The following MYCL variants were observed in gnomAD, a reference collection of about 807,000 sequenced individuals.
MYCL encodes the protein protein L-Myc.
MYCL carries 11 observed loss-of-function variants against 31.0 expected under a neutral mutation model. That is an observed-to-expected ratio of 0.35 (90% CI 0.22 to 0.59). The LOEUF is 0.59. MYCL is among the 20% of genes least tolerant of loss of function. The pLI, the probability that MYCL is intolerant of heterozygous loss-of-function variation, is 0.79. For missense variants in MYCL, 427 were observed against 486.1 expected, an observed-to-expected ratio of 0.88 and a Z score of 1.14; for synonymous variants, 208 against 202.4, an observed-to-expected ratio of 1.03 and a Z score of -0.23.
In MYCL at chr1:39,901,411, G is replaced by A; in HGVS notation, c.24C>T (p.His8=). 6.2e-7 allele frequency: 1 copy of A among 1,612,996 alleles called. No individual in the cohort carries two copies. The highest frequency in any genetic ancestry group is 8.5e-7 in the Non-Finnish European group (1 of 1,179,818). MDYDSYQ[H]YFYDYDCGED... ...CCCCGCAGTCATAGTCGTAGAAATA[G>A]TGCTGGTACGAGTCGTAGTCCATGT... Residue 8 remains histidine, a synonymous_variant, in exon 1 of 2, where the codon CAC becomes CAT. Transcript: ENST00000372816. This position sits in a 1 kb window ranked among gnomAD's most constrained non-coding sequence, Gnocchi z 6.9.
In MYCL at chr1:39,896,059, C is replaced by T; in HGVS notation, c.*1313G>A. Reference sequence around the variant, plus strand: ...ACATGACAACTGCTAGGTTGGGTGACTTTCCCAGACTAGAAGCTGCACGTG... The same window carrying T: ...ACATGACAACTGCTAGGTTGGGTGATTTTCCCAGACTAGAAGCTGCACGTG... On this transcript the variant is annotated 3_prime_UTR_variant, in exon 2 of 2. Coordinates refer to ENST00000372816, the MANE Select transcript of MYCL (RefSeq NM_001033081.3). 4.7e-6 allele frequency: 1 copy of T among 210,956 alleles called. No homozygotes were observed. The highest frequency in any genetic ancestry group is 5.9e-5 in the Admixed American group (1 of 16,970). 13.1% of individuals were successfully genotyped at this position (210,956 alleles called of 1,614,324 possible).
chr1:39,898,682 AT>A (rs1644506340), intron 1 of MYCL: 3 of 985,304 alleles, frequency 3.0e-6, no homozygotes, highest in Non-Finnish European at 3.6e-6. Flanking sequence ...TAGATTTGTA[AT>A]CATAGGTCGG....
intron 1 of MYCL, chr1:39,899,519 G>T (rs1644514477): frequency 2.9e-6 from 2 of 693,164 alleles, no homozygotes; most frequent in South Asian, 1.3e-4. Flanking sequence ...GATCAGCGAA[G>T]TCCACATATC....
chr1:39,901,123 C>A lies in MYCL; in HGVS notation c.312G>T (p.Arg104=). 1 of 1,604,622 alleles carries A rather than the reference C, an allele frequency of 6.2e-7. No individual in the cohort carries two copies. Among genetic ancestry groups the A allele is most frequent in the Non-Finnish European group, 8.5e-7 (1 of 1,176,144 alleles). ...CMWSGFSARE[R]LERAVSDRLA... Reference sequence around the variant, plus strand: ...GCCGGTCGCTCACAGCTCTCTCCAGCCGTTCCCGGGCCGAGAAGCCGCTCC... The same window carrying A: ...GCCGGTCGCTCACAGCTCTCTCCAGACGTTCCCGGGCCGAGAAGCCGCTCC... The change falls in exon 1 of 2, where the codon CGG becomes CGT. Residue 104 remains arginine, a synonymous_variant. Transcript: ENST00000372816. This position sits in a 1 kb window ranked among gnomAD's most constrained non-coding sequence, Gnocchi z 6.9.
intron 1 of MYCL, among the ~76,000 whole-genome samples, chr1:39,898,382 G>A (rs775652933): frequency 2.0e-5 from 3 of 152,210 alleles, no homozygotes; most frequent in African/African-American, 4.8e-5. Flanking sequence ...AATTGTAAAT[G>A]AGGGGTCTGT....
chr1:39,900,281 T>C (rs766197984), intron 1 of MYCL: 46 of 985,466 alleles, frequency 4.7e-5, no homozygotes, highest in Middle Eastern at 1.0e-3. Context: ...GGATGGAGCA[T>C]TGGGGAAGAG....
chr1:39,898,793 A>C (rs1490024261), intron 1 of MYCL: 1 of 985,372 alleles, frequency 1.0e-6, no homozygotes, highest in Admixed American at 6.1e-5. Context: ...TATGGGGCTC[A>C]TAACACCAGA....
rs1017633947 is a variant in MYCL at position 39,901,299 on chromosome 1, C to T, written c.136G>A (p.Gly46Ser). The change falls in exon 1 of 2, where the codon GGC becomes AGC. Residue 46 changes from glycine (G) to serine (S), a missense_variant. Transcript: ENST00000372816. The surrounding 1 kb of genome is among the most constrained non-coding windows in gnomAD (Gnocchi z 6.9). ...GGGTCCCCTGCGCCGGGACCCAAGC[C>T]CCAGGGCGGCGACGTGGGGGGCGAT... ...VPSPPTSPPWGLGPGAGDPAP... is the reference protein window; with the variant it reads ...VPSPPTSPPWSLGPGAGDPAP... 2.5e-6 allele frequency: 4 copies of T among 1,602,370 alleles called. No individual in the cohort carries two copies. The highest frequency in any genetic ancestry group is 2.2e-5 in the East Asian group (1 of 44,474).
chr1:39,900,666 T>G, intron 1 of MYCL: 1 of 1,368,676 alleles, frequency 7.3e-7, no homozygotes, highest in Non-Finnish European at 9.4e-7. Context: ...TATTGTCCTC[T>G]CTAAGCGCCA....
In MYCL at chr1:39,900,926, G is replaced by A. The variant is rs1402318953; in HGVS notation, c.496+13C>T. 5 of 1,507,388 alleles carry A rather than the reference G, an allele frequency of 3.3e-6. No individual in the cohort carries two copies. The South Asian group carries it at 3.8e-5, about 11-fold the overall frequency. 93.4% of individuals were successfully genotyped at this position (1,507,388 alleles called of 1,614,324 possible). A position where few individuals can be genotyped will look rare whatever the true frequency, so the allele number is the denominator to read the frequency against. On this transcript the variant is annotated intron_variant, in intron 1 of 1. Coordinates refer to ENST00000372816, the MANE Select transcript of MYCL (RefSeq NM_001033081.3). ...GGGTGGCCCCCTCTTGGATGGCTCG[G>A]GGAGGTCCTTACCCGAGTCGCTTGG...
Position 39,901,086 on chromosome 1 carries a change from C to A in MYCL, c.349G>T (p.Ala117Ser), listed in dbSNP as rs2124719978. The change falls in exon 1 of 2, where the codon GCG (alanine) becomes TCG (serine). Residue 117 changes from alanine (A) to serine (S), a missense_variant. By Grantham distance (99) the Ala-to-Ser change is moderately conservative (BLOSUM62 1). Transcript: ENST00000372816. The surrounding 1 kb of genome is among the most constrained non-coding windows in gnomAD (Gnocchi z 6.9). ...RAVSDRLAPG[A>S]PRGNPPKASA... ...GCCTTGGGCGGGTTCCCCCGGGGCG[C>A]GCCAGGAGCGAGCCGGTCGCTCACA... is the stretch of plus-strand genomic sequence containing the variant. The A allele has an allele frequency of 6.4e-7, 1 of 1,574,742 alleles. No homozygotes were observed. Among genetic ancestry groups the A allele is most frequent in the Non-Finnish European group, 8.6e-7 (1 of 1,160,600 alleles).
rs764912747 is a variant in MYCL, at chr1:39,901,836, G to C, written c.-402C>G. ...GCTCCAGCCGCCCGCCACCTGGAGC[G>C]GACCGGCTCCCCGCCGGCTCGGGGC... On this transcript the variant is annotated 5_prime_UTR_variant, in exon 1 of 2. Coordinates refer to ENST00000372816, the MANE Select transcript of MYCL (RefSeq NM_001033081.3). This position sits in a 1 kb window ranked among gnomAD's most constrained non-coding sequence, Gnocchi z 6.9. 662 of 1,264,926 alleles carry C rather than the reference G, an allele frequency of 5.2e-4. No homozygotes were observed. The highest frequency in any genetic ancestry group is 6.0e-4 in the Non-Finnish European group (595 of 994,590). 78.4% of individuals were successfully genotyped at this position (1,264,926 alleles called of 1,614,324 possible). A position where few individuals can be genotyped will look rare whatever the true frequency, so the allele number is the denominator to read the frequency against.
At chr1:39,899,083 C>T (rs1034927171) in intron 1 of MYCL, 5 of 985,418 alleles carry the variant, frequency 5.1e-6, no homozygotes, top group Non-Finnish European at 6.0e-6. Context: ...GACCATTCAG[C>T]CCTCCTGGCC....
At chr1:39,899,187 T>TC in intron 1 of MYCL, 1 of 576,012 alleles carries the variant, frequency 1.7e-6, no homozygotes, top group Non-Finnish European at 2.2e-6. Flanking sequence ...CCAATCACTT[T>TC]CCCCACCCCC....
Position 39,901,266 on chromosome 1 carries a change from CGGGGG to C in MYCL, c.164_168del (p.Ala55GlyfsTer37). ...GGCCACGGCTCCGGGGGACCAATCC[CGGGGG>C]CCGGGTCCCCTGCGCCGGGACCCAA... On this transcript the variant is annotated frameshift_variant, in exon 1 of 2. Coordinates refer to ENST00000372816, the MANE Select transcript of MYCL (RefSeq NM_001033081.3). LOFTEE classifies it high-confidence loss of function. This position sits in a 1 kb window ranked among gnomAD's most constrained non-coding sequence, Gnocchi z 6.9. The C allele has an allele frequency of 6.2e-7, 1 of 1,601,814 alleles. No individual in the cohort carries two copies. Among genetic ancestry groups the C allele is most frequent in the Non-Finnish European group, 8.5e-7 (1 of 1,174,750 alleles).
rs767794933 is a variant in MYCL at position 39,901,181 on chromosome 1, T to C, written c.254A>G (p.Asn85Ser). ...GTCACGGCGTATGATGGAGGCGTAGTTCCTGCCCCAGCCTTTCGAGTGGCC... is the reference window on the plus strand; with the variant it reads ...GTCACGGCGTATGATGGAGGCGTAGCTCCTGCCCCAGCCTTTCGAGTGGCC... The part of the protein sequence containing the change: ...SRGHSKGWGR[N>S]YASIIRRDCM... The change falls in exon 1 of 2, where the codon AAC becomes AGC. Residue 85 changes from asparagine (N) to serine (S), a missense_variant. Coordinates refer to ENST00000372816, the MANE Select transcript of MYCL (RefSeq NM_001033081.3). The surrounding 1 kb of genome is among the most constrained non-coding windows in gnomAD (Gnocchi z 6.9). 6.2e-7 allele frequency: 1 copy of C among 1,613,274 alleles called. No individual in the cohort carries two copies. The highest frequency in any genetic ancestry group is 1.3e-5 in the African/African-American group (1 of 75,036).
At position 39,897,758 on chromosome 1, in the gene MYCL, C is replaced by T. The variant is rs778245654; in HGVS notation, c.709G>A (p.Val237Ile). 373 of 1,614,050 alleles carry T rather than the reference C, an allele frequency of 2.3e-4. No individual in the cohort carries two copies. Among genetic ancestry groups the T allele is most frequent in the Non-Finnish European group, 3.0e-4 (357 of 1,180,032 alleles). Residue 237 changes from valine (V) to isoleucine (I), a missense_variant, in exon 2 of 2, where the codon GTT becomes ATT. Val to Ile is a conservative substitution (Grantham distance 29, BLOSUM62 3). Coordinates refer to ENST00000372816, the MANE Select transcript of MYCL (RefSeq NM_001033081.3). This position sits in a 1 kb window ranked among gnomAD's most constrained non-coding sequence, Gnocchi z 4.3. Reference sequence around the variant, plus strand: ...TCCCCTGCAGCATCTCTCTCCAGAACCTCTTCTTGGGGACCCCTCTCTGAA... The same window carrying T: ...TCCCCTGCAGCATCTCTCTCCAGAATCTCTTCTTGGGGACCCCTCTCTGAA... ...EASERGPQEE[V>I]LERDAAGEKE...
In MYCL at chr1:39,901,715, G is replaced by A. The variant is rs1644542677; in HGVS notation, c.-281C>T. ...GAGCGCAGCTCCCAGGGCCCGGCGG[G>A]GCCGGGCGGGGGCGCGCCGTGCCCA... On this transcript the variant is annotated 5_prime_UTR_variant, in exon 1 of 2. Transcript: ENST00000372816. This position sits in a 1 kb window ranked among gnomAD's most constrained non-coding sequence, Gnocchi z 6.9. 5.7e-6 allele frequency: 7 copies of A among 1,218,232 alleles called. No individual in the cohort carries two copies. The South Asian group carries it at 2.0e-4, about 35-fold the overall frequency. The allele number at this position is 1,218,232 out of a possible 1,614,324, so 75.5% of individuals were successfully genotyped here.
chr1:39,900,235 A>G, intron 1 of MYCL: 1 of 985,624 alleles, frequency 1.0e-6, no homozygotes, highest in African/African-American at 1.7e-5. Context: ...AAGCTACCAC[A>G]AAGACCCCAA....
Sources: allele counts gnomAD v4.1 joint callset (sites outside exome capture counted in the v4.1 genomes callset), GRCh38; gene constraint gnomAD v4.1.1; non-coding constraint Gnocchi (gnomAD v3.1); transcripts MANE v1.5; gene names NCBI Gene and HGNC (gene_info 2026-07-23, HGNC 2026-07-21).